AMPD3: variants seen among roughly 807,000 people sequenced by gnomAD.
The protein encoded by AMPD3 is adenosine monophosphate deaminase 3.
In AMPD3, 57 loss-of-function variants were observed where a neutral mutation model predicts 82.3. That is an observed-to-expected ratio of 0.69 (90% CI 0.56 to 0.86). AMPD3 has a LOEUF of 0.86. AMPD3 is among the 40% of genes least tolerant of loss of function. The pLI is 0.00. For missense variants in AMPD3, 870 were observed against 1,003.8 expected (o/e 0.87, Z 1.80); for synonymous variants, 381 against 394.7 (o/e 0.97, Z 0.41).
chr11:10,458,707 T>G (rs1470487501), intron 1 of AMPD3, among the ~76,000 whole-genome samples: 1 of 152,238 alleles, frequency 6.6e-6, no homozygotes, highest in Non-Finnish European at 1.5e-5. Context: ...GTGAGTATGC[T>G]CTAATTTAGG....
chr11:10,471,316 G>T (rs1380747735), intron 2 of AMPD3, among the ~76,000 whole-genome samples: 1 of 152,160 alleles, frequency 6.6e-6, no homozygotes, highest in African/African-American at 2.4e-5. Context: ...ACTCAAGATG[G>T]ATTAAAGACT....
chr11:10,485,080 G>T, intron 5 of AMPD3, 41 bp downstream of exon 5: 1 of 1,569,766 alleles, frequency 6.4e-7, no homozygotes, highest in Non-Finnish European at 8.7e-7. Context: ...TTGCACAGGT[G>T]CTGTTCTGTA....
chr11:10,502,173 C>G (rs1849598919), intron 12 of AMPD3: 12 of 985,396 alleles, frequency 1.2e-5, no homozygotes, highest in Non-Finnish European at 1.4e-5. Flanking sequence ...CAAAATGCTC[C>G]CTTTCCCTGA....
upstream of AMPD3, among the ~76,000 whole-genome samples, chr11:10,453,045 G>A (rs1303918713): frequency 1.3e-5 from 2 of 152,180 alleles, no homozygotes; most frequent in Non-Finnish European, 2.9e-5. Flanking sequence ...CACCTCCCGG[G>A]TTCAAGCGAT....
At chr11:10,499,967 G>C in intron 10 of AMPD3, 119 bp from the exon 11 acceptor site, 7 of 1,542,524 alleles carry the variant, frequency 4.5e-6, no homozygotes, top group Non-Finnish European at 6.1e-6. Flanking sequence ...CCCCAGCTGA[G>C]GTGTGAACCT....
At chr11:10,462,717 G>A (rs991795783) in intron 2 of AMPD3, among the ~76,000 whole-genome samples, 2 of 152,096 alleles carry the variant, frequency 1.3e-5, no homozygotes, top group South Asian at 2.1e-4. Context: ...GATGAGATGG[G>A]GTTAGGGGAG....
intron 6 of AMPD3, among the ~76,000 whole-genome samples, chr11:10,489,477 G>A (rs1307021357): frequency 6.6e-6 from 1 of 152,162 alleles, no homozygotes; most frequent in Non-Finnish European, 1.5e-5. Flanking sequence ...CTGGCGTGGG[G>A]CTAGGGTAAC....
At chr11:10,499,559 G>A in intron 10 of AMPD3, 1 of 666,612 alleles carries the variant, frequency 1.5e-6, no homozygotes, top group Non-Finnish European at 1.9e-6. Context: ...TTTGGCCCTG[G>A]TTTGCTCAAT....
intron 12 of AMPD3, chr11:10,502,097 C>T: frequency 1.0e-6 from 1 of 985,422 alleles, no homozygotes; most frequent in South Asian, 4.7e-5. Flanking sequence ...ACTGGTGTAC[C>T]CTTGAGCTCT....
At position 10,456,528 on chromosome 11, in the gene AMPD3, CTGTT is replaced by C; in HGVS notation, c.-6+1085_-6+1088del. ...GGGACTGTGGCACCATGAAAAGTTA[CTGTT>C]TGTTGAAACTGGCAGTGTTTTAGAA... On this transcript the variant is annotated intron_variant, in intron 1 of 14. Coordinates refer to ENST00000396553, the MANE Select transcript of AMPD3 (RefSeq NM_001025389.2). This position sits in a 1 kb window ranked among gnomAD's most constrained non-coding sequence, Gnocchi z 4.3. 1.2e-6 allele frequency: 2 copies of C among 1,605,080 alleles called. No individual in the cohort carries two copies. Among genetic ancestry groups the C allele is most frequent in the Non-Finnish European group, 1.7e-6 (2 of 1,175,502 alleles).
chr11:10,457,896 C>G (rs552567032), intron 1 of AMPD3, among the ~76,000 whole-genome samples: 5 of 152,122 alleles, frequency 3.3e-5, no homozygotes, highest in Non-Finnish European at 5.9e-5. Flanking sequence ...GTCTCTCAAT[C>G]AATCAATGAA....
chr11:10,466,726 AC>A (rs1848432623), intron 2 of AMPD3, among the ~76,000 whole-genome samples: 1 of 152,066 alleles, frequency 6.6e-6, no homozygotes, highest in South Asian at 2.1e-4. Context: ...TGGGTCCCTA[AC>A]CCCCGTGTAT....
chr11:10,499,571 G>T (rs1849518856), intron 10 of AMPD3: 1 of 820,798 alleles, frequency 1.2e-6, no homozygotes, highest in East Asian at 1.2e-4. Flanking sequence ...TTGCTCAATT[G>T]TAAAATGGGG....
chr11:10,497,511 G>T (rs1017301152), intron 10 of AMPD3: 41 of 921,300 alleles, frequency 4.5e-5, no homozygotes, highest in Admixed American at 4.3e-4. Flanking sequence ...GATCGAGGGG[G>T]TATCAGATGG....
rs560836894 is a variant in AMPD3 at position 10,496,724 on chromosome 11, G to T, written c.1431-88G>T. On this transcript the variant is annotated intron_variant, in intron 9 of 14. Coordinates refer to ENST00000396553, the MANE Select transcript of AMPD3 (RefSeq NM_001025389.2). ...TTCTGGGTGTTTGATGGGGACACAGGGTGCCTGAGGAAGTGACTGGGGCTG... is the reference window on the plus strand; with the variant it reads ...TTCTGGGTGTTTGATGGGGACACAGTGTGCCTGAGGAAGTGACTGGGGCTG... 5.0e-6 allele frequency: 8 copies of T among 1,603,086 alleles called. No individual in the cohort carries two copies. In the Admixed American group the frequency reaches 8.4e-5, roughly 17 times the overall value.
At chr11:10,472,292 G>T (rs1048684589) in intron 2 of AMPD3, among the ~76,000 whole-genome samples, 9 of 152,040 alleles carry the variant, frequency 5.9e-5, no homozygotes, top group African/African-American at 1.7e-4. Flanking sequence ...GGGGCCTGTT[G>T]GGGGGTGAGG....
intron 2 of AMPD3, among the ~76,000 whole-genome samples, chr11:10,475,304 A>G (rs539576152): frequency 3.3e-5 from 5 of 152,254 alleles, no homozygotes. Flanking sequence ...TAGACCATTC[A>G]TGAAGGATCC....
chr11:10,505,628 C>A (rs1849698033), intron 14 of AMPD3, 80 bp from the exon 15 acceptor site: 2 of 1,574,526 alleles, frequency 1.3e-6, no homozygotes, highest in Non-Finnish European at 1.7e-6. Flanking sequence ...CTTGCTGTGA[C>A]TGATGTCAAA....
rs200079833 is a variant in AMPD3 at position 10,473,269 on chromosome 11, C to CA, written c.222-5249dup. The CA allele has an allele frequency of 1.4e-3, 897 of 643,684 alleles. 9 individuals are homozygous for CA. In the African/African-American group the frequency reaches 0.014, roughly 10 times the overall value. The allele number at this position is 643,684 out of a possible 1,614,324, so 39.9% of individuals were successfully genotyped here. A position where few individuals can be genotyped will look rare whatever the true frequency, so the allele number is the denominator to read the frequency against. On this transcript the variant is annotated intron_variant, in intron 2 of 14. Coordinates refer to ENST00000396553, the MANE Select transcript of AMPD3 (RefSeq NM_001025389.2). ...TGGGCGGCAGAGCAAGACCCTGTGT[C>CA]AAAAAAAAGTAAAAATAAAAATAAA...
Sources: allele counts gnomAD v4.1 joint callset (sites outside exome capture counted in the v4.1 genomes callset), GRCh38; gene constraint gnomAD v4.1.1; non-coding constraint Gnocchi (gnomAD v3.1); transcripts MANE v1.5; gene names NCBI Gene and HGNC (gene_info 2026-07-23, HGNC 2026-07-21).